VGF: variants seen among roughly 807,000 people sequenced by gnomAD.
The protein encoded by VGF is neurosecretory protein VGF.
In VGF, 13 loss-of-function variants were observed where a neutral mutation model predicts 41.1. That is an observed-to-expected ratio of 0.32 (90% CI 0.21 to 0.50). VGF has a LOEUF of 0.50. Among genes scored for constraint, VGF ranks in the 20% least tolerant of loss-of-function variants. The pLI is 0.98. For synonymous variants in VGF, 473 were observed against 418.3 expected, an observed-to-expected ratio of 1.13 and a Z score of -1.60; for missense variants, 920 against 882.1, an observed-to-expected ratio of 1.04 and a Z score of -0.54.
Position 101,164,610 on chromosome 7 carries a change from A to G in VGF, c.234T>C (p.Asp78=), listed in dbSNP as rs1052590972. The change falls in exon 2 of 2, where the codon GAT becomes GAC. Residue 78 remains aspartate (D), a synonymous_variant. Transcript: ENST00000249330. ...GCAGCACCGCGGCCAGCGCCCGGGG[A>G]TCCACGCCCTGGAAAAGCTCTCCCT... ...QDEGELFQGV[D]PRALAAVLLQ... 3 of 1,598,850 alleles carry G rather than the reference A, an allele frequency of 1.9e-6. No individual in the cohort carries two copies. Among genetic ancestry groups the G allele is most frequent in the Non-Finnish European group, 2.6e-6 (3 of 1,174,102 alleles).
In VGF at chr7:101,164,261, C is replaced by T. The variant is rs568220232; in HGVS notation, c.583G>A (p.Val195Met). 6.2e-7 allele frequency: 1 copy of T among 1,600,200 alleles called. No individual in the cohort carries two copies. The highest frequency in any genetic ancestry group is 1.1e-5 in the South Asian group (1 of 91,004). Residue 195 changes from valine to methionine, a missense_variant, in exon 2 of 2, where the codon GTG (valine) becomes ATG (methionine). Physicochemically the swap from Val to Met is conservative, Grantham distance 21. Transcript: ENST00000249330. Reference protein sequence around the residue: ...TETRTHTLTRVNLESPGPERV... With the variant: ...TETRTHTLTRMNLESPGPERV... ...TCTGGCCCCGGGCTCTCCAGATTCA[C>T]TCGGGTCAGCGTGTGCGTGCGGGTT... is the stretch of plus-strand genomic sequence containing the variant.
chr7:101,166,195 C>T (rs1419954294), upstream of VGF, among the ~76,000 whole-genome samples: 1 of 152,206 alleles, frequency 6.6e-6, no homozygotes, highest in East Asian at 1.9e-4. Context: ...CGGGTGGCAG[C>T]CCCCTGACAG....
rs1388406510 is a variant in VGF, at chr7:101,163,669, G to T, written c.1175C>A (p.Ala392Glu). The T allele has an allele frequency of 6.5e-7, 1 of 1,538,204 alleles. No homozygotes were observed. The highest frequency in any genetic ancestry group is 2.4e-5 in the East Asian group (1 of 40,926). ...CTGCCGCGCCCTCTCCGCCTCCTCC[G>T]CCTCTGCCTCCGCCTCGGCCGCCTC... Reference protein sequence around the residue: ...DEEAAEAEAEAEEAERARQNA... With the variant: ...DEEAAEAEAEEEEAERARQNA... Residue 392 changes from alanine (A) to glutamate (E), a missense_variant, in exon 2 of 2, where the codon GCG becomes GAG. Transcript: ENST00000249330. The surrounding 1 kb of genome is among the most constrained non-coding windows in gnomAD (Gnocchi z 5.0).
Position 101,163,773 on chromosome 7 carries a change from C to A in VGF, c.1071G>T (p.Glu357Asp). ...CCTCCTCCTCCCTTGCACTCTCTCG[C>A]TCCTCCGCCGCCTCCTGCAGCCCCC... ...GGRGLQEAAE[E>D]RESAREEEEA... The change falls in exon 2 of 2, where the codon GAG becomes GAT. Residue 357 changes from glutamate to aspartate, a missense_variant. Around this residue, in one of 3 missense-constraint regions of VGF, gnomAD observed 654 missense variants for 638.4 expected, o/e 1.02. Transcript: ENST00000249330. This position sits in a 1 kb window ranked among gnomAD's most constrained non-coding sequence, Gnocchi z 5.0. 1 of 1,530,924 alleles carries A rather than the reference C, an allele frequency of 6.5e-7. No individual in the cohort carries two copies. Among genetic ancestry groups the A allele is most frequent in the Non-Finnish European group, 8.8e-7 (1 of 1,142,688 alleles). 94.8% of individuals were successfully genotyped at this position (1,530,924 alleles called of 1,614,324 possible).
At chr7:101,169,039 G>A (rs1443816450), upstream of VGF, among the ~76,000 whole-genome samples, 1 of 148,130 alleles carries the variant, frequency 6.8e-6, no homozygotes, top group African/African-American at 2.5e-5. Context: ...CAGAGCTGGG[G>A]AATCCTGGGG....
chr7:101,163,673 C>T lies in VGF; in HGVS notation c.1171G>A (p.Glu391Lys), dbSNP rs751441499. ...EDEEAAEAEA[E>K]AEEAERARQN... ...CGCGCCCTCTCCGCCTCCTCCGCCT[C>T]TGCCTCCGCCTCGGCCGCCTCCTCA... Residue 391 changes from glutamate to lysine, a missense_variant, in exon 2 of 2, where the codon GAG (glutamate) becomes AAG (lysine). By Grantham distance (56) the Glu-to-Lys change is moderately conservative (BLOSUM62 1). This residue lies in a region of VGF where 654 missense variants were observed against 638.4 expected (regional missense o/e 1.02). Coordinates refer to ENST00000249330, the MANE Select transcript of VGF (RefSeq NM_003378.4). The surrounding 1 kb of genome is among the most constrained non-coding windows in gnomAD (Gnocchi z 5.0). The T allele has an allele frequency of 6.5e-7, 1 of 1,538,386 alleles. No homozygotes were observed. The highest frequency in any genetic ancestry group is 1.4e-5 in the African/African-American group (1 of 72,976).
In VGF at chr7:101,163,620, C is replaced by G; in HGVS notation, c.1224G>C (p.Glu408Asp). The G allele has an allele frequency of 6.5e-7, 1 of 1,549,512 alleles. No individual in the cohort carries two copies. Among genetic ancestry groups the G allele is most frequent in the Non-Finnish European group, 8.7e-7 (1 of 1,149,974 alleles). The change falls in exon 2 of 2, where the codon GAG becomes GAC. Residue 408 changes from glutamate to aspartate, a missense_variant. Transcript: ENST00000249330. This position sits in a 1 kb window ranked among gnomAD's most constrained non-coding sequence, Gnocchi z 5.0. ...CCTCGGCGCCGGCTTCCCCGTCCTC[C>G]TCCTCCGCGAACAGGAGCGCGTTCT... The part of the protein sequence containing the change: ...ARQNALLFAE[E>D]EDGEAGAEDK...
rs1474255877 is a variant in VGF, at chr7:101,163,359, A to G, written c.1485T>C (p.Arg495=). The change falls in exon 2 of 2, where the codon CGT becomes CGC. Residue 495 remains arginine, a synonymous_variant. Transcript: ENST00000249330. The surrounding 1 kb of genome is among the most constrained non-coding windows in gnomAD (Gnocchi z 5.0). ...NAPPEPVPPP[R]AAPAPTHVRS... is the part of the protein sequence containing the mutation. ...GGACGTGGGTGGGGGCGGGGGCGGC[A>G]CGGGGGGGCGGCACGGGCTCGGGAG... is the stretch of plus-strand genomic sequence containing the variant. 7.2e-6 allele frequency: 4 copies of G among 556,876 alleles called. No homozygotes were observed. The highest frequency in any genetic ancestry group is 5.1e-5 in the South Asian group (3 of 58,442). 34.5% of individuals were successfully genotyped at this position (556,876 alleles called of 1,614,324 possible).
chr7:101,163,361 G>A lies in VGF; in HGVS notation c.1483C>T (p.Arg495Cys). Residue 495 changes from arginine to cysteine, a missense_variant, in exon 2 of 2, where the codon CGT becomes TGT. Arg to Cys is a radical substitution (Grantham distance 180). Coordinates refer to ENST00000249330, the MANE Select transcript of VGF (RefSeq NM_003378.4). The surrounding 1 kb of genome is among the most constrained non-coding windows in gnomAD (Gnocchi z 5.0). Reference sequence around the variant, plus strand: ...ACGTGGGTGGGGGCGGGGGCGGCACGGGGGGGCGGCACGGGCTCGGGAGGG... The same window carrying A: ...ACGTGGGTGGGGGCGGGGGCGGCACAGGGGGGCGGCACGGGCTCGGGAGGG... ...NAPPEPVPPP[R>C]AAPAPTHVRS... 1 of 1,521,406 alleles carries A rather than the reference G, an allele frequency of 6.6e-7. No homozygotes were observed. The highest frequency in any genetic ancestry group is 8.8e-7 in the Non-Finnish European group (1 of 1,137,934). 94.2% of individuals were successfully genotyped at this position (1,521,406 alleles called of 1,614,324 possible). A position where few individuals can be genotyped will look rare whatever the true frequency, so the allele number is the denominator to read the frequency against.
chr7:101,164,271 C>A lies in VGF; in HGVS notation c.573G>T (p.Thr191=). 6.2e-7 allele frequency: 1 copy of A among 1,604,358 alleles called. No individual in the cohort carries two copies. Among genetic ancestry groups the A allele is most frequent in the Non-Finnish European group, 8.5e-7 (1 of 1,179,112 alleles). The change falls in exon 2 of 2, where the codon ACG becomes ACT. Residue 191 remains threonine, a synonymous_variant. Transcript: ENST00000249330. ...AAAETETRTH[T]LTRVNLESPG... is the part of the protein sequence containing the mutation. The stretch of plus-strand genomic sequence containing the variant: ...GGCTCTCCAGATTCACTCGGGTCAG[C>A]GTGTGCGTGCGGGTTTCCGTCTCTG...
rs1797137681 is a variant in VGF at position 101,163,083 on chromosome 7, C to T, written c.1761G>A (p.Gln587=). The T allele has an allele frequency of 6.3e-7, 1 of 1,578,898 alleles. No individual in the cohort carries two copies. The highest frequency in any genetic ancestry group is 2.5e-5 in the East Asian group (1 of 40,798). ...PGREAQARRA[Q]EEAEAEERRL... is the part of the protein sequence containing the mutation. ...GGCGCTCCTCCGCCTCCGCCTCCTC[C>T]TGCGCGCGCCGCGCCTGGGCCTCCC... is the stretch of plus-strand genomic sequence containing the variant. Residue 587 remains glutamine, a synonymous_variant, in exon 2 of 2, where the codon CAG becomes CAA. Coordinates refer to ENST00000249330, the MANE Select transcript of VGF (RefSeq NM_003378.4). The surrounding 1 kb of genome is among the most constrained non-coding windows in gnomAD (Gnocchi z 5.0).
chr7:101,165,573 C>T (rs1797204362), upstream of VGF: 2 of 985,286 alleles, frequency 2.0e-6, no homozygotes, highest in African/African-American at 3.5e-5. Flanking sequence ...GCACGCTGGA[C>T]AGCGCCCGCG....
At chr7:101,166,582 G>A (rs1797222948), upstream of VGF, among the ~76,000 whole-genome samples, 1 of 150,946 alleles carries the variant, frequency 6.6e-6, no homozygotes, top group Non-Finnish European at 1.5e-5. Context: ...GCGATGGGAG[G>A]GGGACCTGCA....
chr7:101,162,786 C>G lies in VGF; in HGVS notation c.*210G>C. 1.6e-6 allele frequency: 1 copy of G among 643,774 alleles called. No homozygotes were observed. The highest frequency in any genetic ancestry group is 2.9e-6 in the Non-Finnish European group (1 of 347,926). The allele number at this position is 643,774 out of a possible 1,614,324, so 39.9% of individuals were successfully genotyped here. A position where few individuals can be genotyped will look rare whatever the true frequency, so the allele number is the denominator to read the frequency against. On this transcript the variant is annotated 3_prime_UTR_variant, in exon 2 of 2. Coordinates refer to ENST00000249330, the MANE Select transcript of VGF (RefSeq NM_003378.4). This position sits in a 1 kb window ranked among gnomAD's most constrained non-coding sequence, Gnocchi z 4.2. The stretch of plus-strand genomic sequence containing the variant: ...CAAACCACCCGCCCTCCTGGGCTGG[C>G]CCCCGGTCACCCGCGGGTGAGCTCT...
In VGF at chr7:101,163,853, G is replaced by A. The variant is rs1406648090; in HGVS notation, c.991C>T (p.Leu331=). The part of the protein sequence containing the change: ...EERLADLASD[L]LLQYLLQGGA... ...CCCTGCAGCAAATACTGGAGCAGCA[G>A]GTCCGAGGCGAGGTCGGCCAGCCGC... Residue 331 remains leucine (L), a synonymous_variant, in exon 2 of 2, where the codon CTG becomes TTG. Coordinates refer to ENST00000249330, the MANE Select transcript of VGF (RefSeq NM_003378.4). This position sits in a 1 kb window ranked among gnomAD's most constrained non-coding sequence, Gnocchi z 5.0. 2 of 1,508,880 alleles carry A rather than the reference G, an allele frequency of 1.3e-6. No individual in the cohort carries two copies. The highest frequency in any genetic ancestry group is 2.6e-5 in the East Asian group (1 of 38,560). The allele number at this position is 1,508,880 out of a possible 1,614,324, so 93.5% of individuals were successfully genotyped here.
rs1457593849 is a variant in VGF, at chr7:101,164,706, G to A, written c.138C>T (p.Asp46=). 6.2e-7 allele frequency: 1 copy of A among 1,607,518 alleles called. No individual in the cohort carries two copies. The highest frequency in any genetic ancestry group is 8.5e-7 in the Non-Finnish European group (1 of 1,177,412). ...SSEHKEPVAG[D]AVPGPKDGSA... is the part of the protein sequence containing the mutation. ...TGCCATCCTTTGGCCCGGGCACTGC[G>A]TCCCCGGCTACCGGCTCTTTATGCT... The change falls in exon 2 of 2, where the codon GAC becomes GAT. Residue 46 remains aspartate (D), a synonymous_variant. Transcript: ENST00000249330.
rs1316133931 is a variant in VGF at position 101,163,703 on chromosome 7, C to G, written c.1141G>C (p.Glu381Gln). ...RRGGEERVGE[E>Q]DEEAAEAEAE... Reference sequence around the variant, plus strand: ...TCCGCCTCGGCCGCCTCCTCATCCTCTTCCCCCACCCTCTCCTCCCCGCCG... The same window carrying G: ...TCCGCCTCGGCCGCCTCCTCATCCTGTTCCCCCACCCTCTCCTCCCCGCCG... The change falls in exon 2 of 2, where the codon GAG (glutamate) becomes CAG (glutamine). Residue 381 changes from glutamate (E) to glutamine (Q), a missense_variant. Glu to Gln is a conservative substitution (Grantham distance 29). Around this residue, in one of 3 missense-constraint regions of VGF, gnomAD observed 654 missense variants for 638.4 expected, o/e 1.02. Coordinates refer to ENST00000249330, the MANE Select transcript of VGF (RefSeq NM_003378.4). The surrounding 1 kb of genome is among the most constrained non-coding windows in gnomAD (Gnocchi z 5.0). 9.1e-6 allele frequency: 14 copies of G among 1,536,590 alleles called. No individual in the cohort carries two copies. Among genetic ancestry groups the G allele is most frequent in the South Asian group, 3.6e-5 (3 of 84,054 alleles).
chr7:101,164,864 C>G lies in VGF; in HGVS notation c.-20-1G>C, dbSNP rs1797193204. 1 of 1,532,632 alleles carries G rather than the reference C, an allele frequency of 6.5e-7. No individual in the cohort carries two copies. The highest frequency in any genetic ancestry group is 8.8e-7 in the Non-Finnish European group (1 of 1,139,158). The allele number at this position is 1,532,632 out of a possible 1,614,324, so 94.9% of individuals were successfully genotyped here. On this transcript the variant is annotated splice_acceptor_variant, in intron 1 of 1. Coordinates refer to ENST00000249330, the MANE Select transcript of VGF (RefSeq NM_003378.4). LOFTEE classifies it low-confidence loss of function (5UTR_SPLICE). ...TTCATGACCAAGAGGCTGCCGGAGA[C>G]TGAAAAATAGAAGGGACCAAAAAAA...
Position 101,164,880 on chromosome 7 carries a change from AC to A in VGF, c.-20-18del, listed in dbSNP as rs756466333. The A allele has an allele frequency of 6.6e-7, 1 of 1,515,178 alleles. No individual in the cohort carries two copies. Among genetic ancestry groups the A allele is most frequent in the South Asian group, 1.3e-5 (1 of 75,944 alleles). The allele number at this position is 1,515,178 out of a possible 1,614,324, so 93.9% of individuals were successfully genotyped here. A position where few individuals can be genotyped will look rare whatever the true frequency, so the allele number is the denominator to read the frequency against. On this transcript the variant is annotated intron_variant, in intron 1 of 1. Transcript: ENST00000249330. ...TGCCGGAGACTGAAAAATAGAAGGG[AC>A]CAAAAAAAGAGGATTTCTGTAAGAA... is the stretch of plus-strand genomic sequence containing the variant.
Sources: allele counts gnomAD v4.1 joint callset (sites outside exome capture counted in the v4.1 genomes callset), GRCh38; gene constraint gnomAD v4.1.1; regional missense constraint gnomAD v4.1.1; non-coding constraint Gnocchi (gnomAD v3.1); transcripts MANE v1.5; gene names NCBI Gene and HGNC (gene_info 2026-07-23, HGNC 2026-07-21).